MTBP: variants seen among roughly 807,000 people sequenced by gnomAD.
MTBP encodes MDM2 binding protein.
A neutral mutation model predicts 117.0 loss-of-function variants in MTBP; 101 were observed. The ratio of observed to expected loss-of-function variants is 0.86; its 90% CI spans 0.73 to 1.02. MTBP has a LOEUF of 1.02. MTBP is among the 50% of genes least tolerant of loss of function. The probability of loss-of-function intolerance (pLI) is 0.00; values close to 1 mark genes in which losing one functional copy is unlikely to be tolerated. For missense variants in MTBP, 970 were observed against 1,030.9 expected (o/e 0.94, Z 0.81); for synonymous variants, 350 against 351.5 (o/e 1.00, Z 0.05).
intron 7 of MTBP, among the ~76,000 whole-genome samples, chr8:120,457,945 C>CA (rs776222897): frequency 0.11 from 6,687 of 63,248 alleles, 301 homozygotes; most frequent in Non-Finnish European, 0.16. Context: ...GACTCCGTCT[C>CA]AAGAAAAAAA....
intron 13 of MTBP, among the ~76,000 whole-genome samples, chr8:120,492,732 T>A (rs1370839124): frequency 1.3e-5 from 2 of 152,164 alleles, no homozygotes; most frequent in African/African-American, 4.8e-5. Context: ...CTTTGTTTTT[T>A]AAAATAACAC....
chr8:120,482,129 C>T (rs1329692437), intron 11 of MTBP, among the ~76,000 whole-genome samples: 1 of 150,636 alleles, frequency 6.6e-6, no homozygotes, highest in Non-Finnish European at 1.5e-5. Context: ...CCCAGGGTGT[C>T]AGTGGTTTGT....
chr8:120,469,300 C>T (rs529239087), intron 10 of MTBP, among the ~76,000 whole-genome samples: 14 of 152,226 alleles, frequency 9.2e-5, no homozygotes, highest in Non-Finnish European at 2.1e-4. Flanking sequence ...CTTGCCTCGG[C>T]CTCCCAAAGT....
chr8:120,496,254 GTGAGTGA>G (rs1814455041), intron 13 of MTBP, among the ~76,000 whole-genome samples: 2 of 152,220 alleles, frequency 1.3e-5, no homozygotes, highest in Non-Finnish European at 2.9e-5. Flanking sequence ...GACTAGCTCA[GTGAGTGA>G]TGGGAAGGAA....
chr8:120,509,628 A>C (rs1563804616), intron 16 of MTBP, among the ~76,000 whole-genome samples: 1 of 152,118 alleles, frequency 6.6e-6, no homozygotes, highest in Non-Finnish European at 1.5e-5. Flanking sequence ...AAAGAAAGAA[A>C]TAATACTGCC....
At chr8:120,462,552 T>C (rs919802889) in intron 9 of MTBP, among the ~76,000 whole-genome samples, 1 of 152,164 alleles carries the variant, frequency 6.6e-6, no homozygotes. Context: ...CATTATACAT[T>C]ACTGTTGAGA....
intron 11 of MTBP, among the ~76,000 whole-genome samples, chr8:120,475,333 C>T (rs575788800): frequency 7.9e-5 from 12 of 151,954 alleles, no homozygotes; most frequent in African/African-American, 2.2e-4. Flanking sequence ...AACAGTTACT[C>T]AAAAATATTT....
At chr8:120,460,959 C>T (rs763143369) in intron 8 of MTBP, among the ~76,000 whole-genome samples, 5 of 152,114 alleles carry the variant, frequency 3.3e-5, no homozygotes, top group Non-Finnish European at 7.4e-5. Flanking sequence ...TAAGTGATCT[C>T]CATGTCTGTT....
intron 18 of MTBP, among the ~76,000 whole-genome samples, chr8:120,517,552 C>G (rs753694009): frequency 6.6e-6 from 1 of 151,850 alleles, no homozygotes; most frequent in Non-Finnish European, 1.5e-5. Flanking sequence ...TTATTGCTTA[C>G]TTAAGGCAGT....
At chr8:120,489,044 C>CTTTTTTTTTTTTTTTTTTTTTTTTTTTT (rs71306887) in intron 12 of MTBP, among the ~76,000 whole-genome samples, 1 of 128,078 alleles carries the variant, frequency 7.8e-6, no homozygotes, top group Non-Finnish European at 1.7e-5. Context: ...AGACTGACTT[C>CTTTTTTTTTTTTTTTTTTTTTTTTTTTT]TTTTTTTTTT....
chr8:120,523,521 A>G lies in MTBP; in HGVS notation c.*185A>G, dbSNP rs990434009. ...AGTTTGAGGGATGCTATGTTAATGT[A>G]TTTTTAATTAGATACATATTTTGTA... On this transcript the variant is annotated 3_prime_UTR_variant, in exon 22 of 22. Coordinates refer to ENST00000305949, the MANE Select transcript of MTBP (RefSeq NM_022045.5). 4.3e-5 allele frequency: 14 copies of G among 327,766 alleles called. No individual in the cohort carries two copies. The South Asian group carries it at 1.7e-3, about 39-fold the overall frequency. The allele number at this position is 327,766 out of a possible 1,614,324, so 20.3% of individuals were successfully genotyped here. A position where few individuals can be genotyped will look rare whatever the true frequency, so the allele number is the denominator to read the frequency against.
At chr8:120,513,601 C>T (rs1483199573) in intron 17 of MTBP, among the ~76,000 whole-genome samples, 1 of 151,860 alleles carries the variant, frequency 6.6e-6, no homozygotes, top group African/African-American at 2.4e-5. Context: ...AGCTATGACA[C>T]TATGAACAGC....
At chr8:120,462,415 G>A (rs1813600623) in intron 9 of MTBP, among the ~76,000 whole-genome samples, 1 of 152,178 alleles carries the variant, frequency 6.6e-6, no homozygotes, top group Admixed American at 6.5e-5. Context: ...TGAAACTGGT[G>A]TCACTAGTTG....
At chr8:120,481,190 G>C (rs912028066) in intron 11 of MTBP, among the ~76,000 whole-genome samples, 3 of 152,144 alleles carry the variant, frequency 2.0e-5, no homozygotes, top group African/African-American at 7.2e-5. Flanking sequence ...ATCAAATGTT[G>C]ATGAGGATGT....
chr8:120,448,128 C>T (rs964883685), intron 2 of MTBP, among the ~76,000 whole-genome samples: 1 of 152,080 alleles, frequency 6.6e-6, no homozygotes, highest in Admixed American at 6.6e-5. Context: ...GACAGGGTTT[C>T]ATTATGTTGC....
At chr8:120,452,107 T>C (rs567603877) in intron 4 of MTBP, 68 of 152,368 alleles carry the variant, frequency 4.5e-4, no homozygotes, top group African/African-American at 1.4e-3. Context: ...TGTGGTACAA[T>C]ATGTAAGTTG....
chr8:120,492,331 T>C (rs1814363313), intron 13 of MTBP, among the ~76,000 whole-genome samples: 1 of 152,216 alleles, frequency 6.6e-6, no homozygotes, highest in Non-Finnish European at 1.5e-5. Context: ...TGCAGAGGCA[T>C]TTGCAGAGGC....
chr8:120,521,141 G>A (rs866362932), intron 20 of MTBP, among the ~76,000 whole-genome samples: 4 of 152,162 alleles, frequency 2.6e-5, no homozygotes, highest in South Asian at 4.2e-4. Context: ...AAAGGAAGCT[G>A]AACTGAGAGA....
At chr8:120,459,083 CTT>C in intron 7 of MTBP, 130 bp from the exon 8 acceptor site, 1 of 732,832 alleles carries the variant, frequency 1.4e-6, no homozygotes, top group Admixed American at 3.6e-5. Flanking sequence ...GAGAAGCACA[CTT>C]TTGAGCTGAG....
Sources: allele counts gnomAD v4.1 joint callset (sites outside exome capture counted in the v4.1 genomes callset), GRCh38; gene constraint gnomAD v4.1.1; transcripts MANE v1.5; gene names NCBI Gene and HGNC (gene_info 2026-07-23, HGNC 2026-07-21).